Variants in CNTNAP2 observed in about 807,000 individuals in gnomAD.
CNTNAP2 encodes the protein contactin associated protein 2.
A neutral mutation model predicts 155.2 loss-of-function variants in CNTNAP2; 98 were observed. The ratio of observed to expected loss-of-function variants is 0.63; its 90% CI spans 0.54 to 0.75. The LOEUF (loss-of-function observed/expected upper bound fraction) is 0.75. Among genes scored for constraint, CNTNAP2 ranks in the 30% least tolerant of loss-of-function variants. CNTNAP2 has a pLI of 0.00. For missense variants in CNTNAP2, 1,727 were observed against 1,688.1 expected (o/e 1.02, Z -0.40); for synonymous variants, 651 against 631.2 (o/e 1.03, Z -0.47).
chr7:147,841,687 C>T (rs1408863815), intron 13 of CNTNAP2, among the ~76,000 whole-genome samples: 1 of 152,014 alleles, frequency 6.6e-6, no homozygotes, highest in Non-Finnish European at 1.5e-5. Context: ...TGAACAAGTC[C>T]CAAGTGGGAA....
intron 3 of CNTNAP2, among the ~76,000 whole-genome samples, chr7:147,012,825 A>T (rs947226511): frequency 6.6e-6 from 1 of 152,154 alleles, no homozygotes; most frequent in African/African-American, 2.4e-5. Flanking sequence ...AGAGCTCCCC[A>T]ATCCTGCCCA....
chr7:147,334,972 A>G (rs931720843), intron 9 of CNTNAP2, among the ~76,000 whole-genome samples: 13 of 152,324 alleles, frequency 8.5e-5, no homozygotes, highest in Admixed American at 6.5e-5. Flanking sequence ...CTCACAGAGT[A>G]CCACATGCTA....
At chr7:147,335,664 T>A (rs982171900) in intron 9 of CNTNAP2, among the ~76,000 whole-genome samples, 7 of 152,106 alleles carry the variant, frequency 4.6e-5, no homozygotes, top group Middle Eastern at 3.2e-3. Flanking sequence ...AAAAGAGAAA[T>A]AAATTATTTA....
At chr7:147,287,348 CA>C (rs1274012644) in intron 8 of CNTNAP2, among the ~76,000 whole-genome samples, 2 of 151,906 alleles carry the variant, frequency 1.3e-5, no homozygotes, top group African/African-American at 2.4e-5. Flanking sequence ...AAAATCAGAG[CA>C]GGGGGAGTAG....
intron 14 of CNTNAP2, among the ~76,000 whole-genome samples, chr7:147,952,391 A>G (rs1192524888): frequency 2.6e-5 from 4 of 151,698 alleles, no homozygotes; most frequent in African/African-American, 9.7e-5. Flanking sequence ...GTAGTGAGCC[A>G]AGGCCACGCC....
intron 10 of CNTNAP2, among the ~76,000 whole-genome samples, chr7:147,398,988 C>G (rs1052063925): frequency 6.6e-6 from 1 of 151,744 alleles, no homozygotes; most frequent in South Asian, 2.1e-4. Flanking sequence ...ATAGGTTGAC[C>G]AGGATAAGCC....
chr7:148,136,391 G>T (rs546393556), intron 16 of CNTNAP2, among the ~76,000 whole-genome samples: 3 of 151,952 alleles, frequency 2.0e-5, no homozygotes, highest in African/African-American at 7.3e-5. Context: ...TAAAGAGCTT[G>T]GCACCTCCTC....
At chr7:146,678,367 C>G (rs1199119156) in intron 1 of CNTNAP2, among the ~76,000 whole-genome samples, 1 of 152,124 alleles carries the variant, frequency 6.6e-6, no homozygotes. Context: ...AGCTACCACA[C>G]CCAGCCATAA....
At position 148,404,008 on chromosome 7, in the gene CNTNAP2, C is replaced by T. The variant is rs550748205; in HGVS notation, c.3716-5383C>T. Among the ~76,000 whole-genome samples the T allele has an allele frequency of 5.3e-5, 8 of 152,308 alleles. No homozygotes were observed. The South Asian group carries it at 1.5e-3, about 28-fold the overall frequency. On this transcript the variant is annotated intron_variant, in intron 22 of 23. Transcript: ENST00000361727. ...AATATATTTTCTATATTCAATATGT[C>T]CATCTCCTTTGTTAGGAAGAATAAG...
At chr7:146,508,189 T>C (rs1584956331) in intron 1 of CNTNAP2, among the ~76,000 whole-genome samples, 1 of 152,194 alleles carries the variant, frequency 6.6e-6, no homozygotes, top group East Asian at 1.9e-4. Flanking sequence ...TATCGCCATA[T>C]GGCCACCTGG....
chr7:146,189,009 G>A (rs1798664586), intron 1 of CNTNAP2, among the ~76,000 whole-genome samples: 1 of 152,098 alleles, frequency 6.6e-6, no homozygotes, highest in Non-Finnish European at 1.5e-5. Context: ...TAGTAATGAT[G>A]TGTTATAGTA....
At chr7:147,374,854 C>T (rs2116920926) in intron 9 of CNTNAP2, among the ~76,000 whole-genome samples, 1 of 152,130 alleles carries the variant, frequency 6.6e-6, no homozygotes, top group South Asian at 2.1e-4. Context: ...ACTATACACT[C>T]AGTAATTTCA....
chr7:146,640,677 G>A (rs1319892892), intron 1 of CNTNAP2, among the ~76,000 whole-genome samples: 1 of 152,190 alleles, frequency 6.6e-6, no homozygotes, highest in African/African-American at 2.4e-5. Flanking sequence ...ATTGCTTCCT[G>A]TAAAAGAGTC....
chr7:147,774,840 A>G (rs1797533039), intron 13 of CNTNAP2, among the ~76,000 whole-genome samples: 1 of 152,104 alleles, frequency 6.6e-6, no homozygotes, highest in African/African-American at 2.4e-5. Context: ...GTACCTTAAA[A>G]CTAATCTAAC....
At chr7:146,495,379 G>A (rs189941265) in intron 1 of CNTNAP2, among the ~76,000 whole-genome samples, 1 of 152,266 alleles carries the variant, frequency 6.6e-6, no homozygotes, top group Admixed American at 6.5e-5. Flanking sequence ...GTGGGGGAGA[G>A]TTAACTGGAT....
At chr7:147,686,758 T>C (rs1440001144) in intron 13 of CNTNAP2, among the ~76,000 whole-genome samples, 1 of 151,760 alleles carries the variant, frequency 6.6e-6, no homozygotes, top group Non-Finnish European at 1.5e-5. Context: ...GCAAATGTAA[T>C]ATACTTGAAA....
At chr7:148,109,931 C>T (rs1253808398) in intron 15 of CNTNAP2, among the ~76,000 whole-genome samples, 1 of 152,180 alleles carries the variant, frequency 6.6e-6, no homozygotes, top group Non-Finnish European at 1.5e-5. Context: ...TTGTCTCCTG[C>T]TAAATCATGG....
intron 15 of CNTNAP2, among the ~76,000 whole-genome samples, chr7:148,113,224 C>A (rs759679825): frequency 6.6e-6 from 1 of 152,096 alleles, no homozygotes; most frequent in Non-Finnish European, 1.5e-5. Flanking sequence ...GCATCTGCTC[C>A]GCTTCTTGGG....
At chr7:147,954,133 G>A (rs1057027024) in intron 14 of CNTNAP2, among the ~76,000 whole-genome samples, 4 of 152,140 alleles carry the variant, frequency 2.6e-5, no homozygotes, top group African/African-American at 9.7e-5. Flanking sequence ...CTTCAGGGGA[G>A]AAAAGTGCTT....
Sources: allele counts gnomAD v4.1 joint callset (sites outside exome capture counted in the v4.1 genomes callset), GRCh38; gene constraint gnomAD v4.1.1; transcripts MANE v1.5; gene names NCBI Gene and HGNC (gene_info 2026-07-23, HGNC 2026-07-21).